AATF: variants seen among roughly 807,000 people sequenced by gnomAD.
AATF encodes the protein apoptosis antagonizing transcription factor.
A neutral mutation model predicts 63.7 loss-of-function variants in AATF; 48 were observed. The observed-to-expected ratio is 0.75, with a 90% CI of 0.60 to 0.96. AATF has a LOEUF of 0.96. AATF is among the 40% of genes least tolerant of loss of function. AATF has a pLI of 0.00. For missense variants in AATF, 639 were observed against 685.7 expected, an observed-to-expected ratio of 0.93 and a Z score of 0.76; for synonymous variants, 258 against 247.7, an observed-to-expected ratio of 1.04 and a Z score of -0.39.
At chr17:36,987,760 G>T (rs2071180392) in intron 5 of AATF, among the ~76,000 whole-genome samples, 1 of 152,160 alleles carries the variant, frequency 6.6e-6, no homozygotes, top group Non-Finnish European at 1.5e-5. Flanking sequence ...TTCACATTCA[G>T]CTTCTCTTGT....
chr17:36,982,233 GTTT>G (rs61030839), intron 4 of AATF, among the ~76,000 whole-genome samples: 4 of 121,754 alleles, frequency 3.3e-5, no homozygotes, highest in Admixed American at 8.1e-5. Context: ...TTTTTGTTTT[GTTT>G]TTTTTTTTTT....
intron 8 of AATF, among the ~76,000 whole-genome samples, chr17:37,001,452 G>GAAGA (rs2071296860): frequency 9.4e-5 from 9 of 96,252 alleles, no homozygotes; most frequent in Non-Finnish European, 1.7e-4. Context: ...AGGAAGGAAG[G>GAAGA]AAGAAAAAAA....
At chr17:37,031,341 CAAATA>C in intron 10 of AATF, 2 of 473,354 alleles carry the variant, frequency 4.2e-6, no homozygotes, top group Non-Finnish European at 3.8e-6. Flanking sequence ...AGATTACATG[CAAATA>C]CTATGCCATT....
intron 4 of AATF, among the ~76,000 whole-genome samples, chr17:36,982,415 A>T (rs553731866): frequency 1.3e-5 from 2 of 151,968 alleles, no homozygotes; most frequent in African/African-American, 4.8e-5. Flanking sequence ...GTACAGTGGT[A>T]CAATCTTGGC....
chr17:36,987,907 C>T (rs1437584154), intron 5 of AATF, among the ~76,000 whole-genome samples: 2 of 152,236 alleles, frequency 1.3e-5, no homozygotes, highest in Admixed American at 6.5e-5. Flanking sequence ...TATAATACTG[C>T]AGGCCTGGTT....
chr17:37,054,841 G>C (rs1248739492), intron 11 of AATF: 1 of 152,188 alleles, frequency 6.6e-6, no homozygotes, highest in Non-Finnish European at 1.5e-5. Flanking sequence ...CTGTCCTTTT[G>C]TTATGGCAAC....
intron 4 of AATF, among the ~76,000 whole-genome samples, chr17:36,983,672 G>C (rs1420898945): frequency 6.6e-6 from 1 of 152,132 alleles, no homozygotes; most frequent in African/African-American, 2.4e-5. Flanking sequence ...TTAAGACAGA[G>C]AGCAACTGGT....
At chr17:37,053,347 T>A (rs188047865) in intron 11 of AATF, among the ~76,000 whole-genome samples, 24 of 152,156 alleles carry the variant, frequency 1.6e-4, no homozygotes, top group African/African-American at 5.5e-4. Flanking sequence ...GGAACATTTT[T>A]AAACTACTTA....
intron 4 of AATF, among the ~76,000 whole-genome samples, chr17:36,969,999 G>A (rs115222352): frequency 0.017 from 2,660 of 152,156 alleles, 81 homozygotes; most frequent in African/African-American, 0.061. Context: ...GCCTTTTGTT[G>A]CTGAGTAGTA....
At chr17:37,004,313 A>C (rs2071325225) in intron 8 of AATF, among the ~76,000 whole-genome samples, 1 of 152,200 alleles carries the variant, frequency 6.6e-6, no homozygotes, top group Non-Finnish European at 1.5e-5. Context: ...CCTAGGCAAC[A>C]AGAGCTAAAC....
intron 4 of AATF, among the ~76,000 whole-genome samples, chr17:36,977,900 A>T (rs151080065): frequency 1.3e-5 from 2 of 152,188 alleles, no homozygotes; most frequent in African/African-American, 4.8e-5. Flanking sequence ...TTCAGGAAGT[A>T]CATTGATCAG....
At chr17:37,036,941 C>G (rs1019218300) in intron 11 of AATF, among the ~76,000 whole-genome samples, 2 of 151,790 alleles carry the variant, frequency 1.3e-5, no homozygotes, top group Non-Finnish European at 2.9e-5. Context: ...AAAATGATCC[C>G]TGGCTTTGCT....
chr17:36,986,876 C>T, intron 5 of AATF, 145 bp downstream of exon 5: 1 of 676,826 alleles, frequency 1.5e-6, no homozygotes, highest in Non-Finnish European at 2.5e-6. Context: ...GTCAGGATGG[C>T]ACATAAGTTG....
At position 37,056,651 on chromosome 17, in the gene AATF, G is replaced by T; in HGVS notation, c.1670G>T (p.Gly557Val). The T allele has an allele frequency of 6.2e-7, 1 of 1,614,176 alleles. No individual in the cohort carries two copies. Among genetic ancestry groups the T allele is most frequent in the Non-Finnish European group, 8.5e-7 (1 of 1,180,034 alleles). Residue 557 changes from glycine to valine, a missense_variant, in exon 12 of 12, where the codon GGC (glycine) becomes GTC (valine). Physicochemically the swap from Gly to Val is moderately radical, Grantham distance 109 (BLOSUM62 -3). Coordinates refer to ENST00000619387, the MANE Select transcript of AATF (RefSeq NM_012138.4). ...LFGQLHPPDE[G>V]HGD The stretch of plus-strand genomic sequence containing the variant: ...GGCCAGCTCCACCCTCCCGACGAAG[G>T]CCACGGGGATTGACATCGCCCACCT...
chr17:36,955,631 C>A (rs2070893490), intron 4 of AATF, among the ~76,000 whole-genome samples: 1 of 152,066 alleles, frequency 6.6e-6, no homozygotes, highest in African/African-American at 2.4e-5. Flanking sequence ...CACGATAAGG[C>A]CTGTTTTCAT....
At chr17:36,968,223 A>AT (rs945859504) in intron 4 of AATF, among the ~76,000 whole-genome samples, 18 of 108,426 alleles carry the variant, frequency 1.7e-4, no homozygotes, top group Non-Finnish European at 3.0e-4. Context: ...AGTTTTTAAA[A>AT]TTTTCTTCTA....
At chr17:37,044,460 G>A (rs916509375) in intron 11 of AATF, among the ~76,000 whole-genome samples, 9 of 152,030 alleles carry the variant, frequency 5.9e-5, no homozygotes, top group African/African-American at 2.2e-4. Context: ...TTGAACCCTG[G>A]GAAAGGCTCT....
intron 2 of AATF, among the ~76,000 whole-genome samples, chr17:36,950,848 C>T (rs1283388374): frequency 6.6e-6 from 1 of 152,158 alleles, no homozygotes; most frequent in Non-Finnish European, 1.5e-5. Context: ...GGACTAATGG[C>T]TCACCCTACA....
At position 36,949,059 on chromosome 17, in the gene AATF, C is replaced by T. The variant is rs531818187; in HGVS notation, c.-67C>T. ...GCGAGAGGATCCGGCAGGGAAGGAG[C>T]TTCGGGGCCGGGGGTTGGGCCGCAC... On this transcript the variant is annotated 5_prime_UTR_variant, in exon 1 of 12. Coordinates refer to ENST00000619387, the MANE Select transcript of AATF (RefSeq NM_012138.4). 2 of 1,385,232 alleles carry T rather than the reference C, an allele frequency of 1.4e-6. No individual in the cohort carries two copies. Among genetic ancestry groups the T allele is most frequent in the East Asian group, 2.5e-5 (1 of 39,268 alleles). The allele number at this position is 1,385,232 out of a possible 1,614,324, so 85.8% of individuals were successfully genotyped here.
Sources: gnomAD v4.1 joint callset for allele counts (sites outside exome capture counted in the v4.1 genomes callset) on GRCh38, gnomAD v4.1.1 for gene constraint, MANE v1.5 for transcripts, NCBI Gene and HGNC (gene_info 2026-07-23, HGNC 2026-07-21) for gene names.